Variants in TCF7L2 observed in about 807,000 individuals in gnomAD.
TCF7L2 encodes transcription factor 7-like 2.
A neutral mutation model predicts 77.9 loss-of-function variants in TCF7L2; 23 were observed. The ratio of observed to expected loss-of-function variants is 0.30; its 90% CI spans 0.21 to 0.42. TCF7L2 has a LOEUF of 0.42. Among genes scored for constraint, TCF7L2 ranks in the 10% least tolerant of loss-of-function variants. The pLI, the probability that TCF7L2 is intolerant of heterozygous loss-of-function variation, is 1.00. For missense variants in TCF7L2, 654 were observed against 793.1 expected (o/e 0.82, Z 2.11); for synonymous variants, 413 against 340.2 (o/e 1.21, Z -2.36).
chr10:113,149,382 T>C (rs561188860), intron 8 of TCF7L2, among the ~76,000 whole-genome samples: 1 of 152,344 alleles, frequency 6.6e-6, no homozygotes, highest in South Asian at 2.1e-4. Flanking sequence ...TCATGCAGTC[T>C]TCACTACTGG....
At position 112,950,815 on chromosome 10, in the gene TCF7L2, C is replaced by G. The variant is rs1456854681; in HGVS notation, c.59C>G (p.Ser20Cys). The change falls in exon 1 of 14, where the codon TCC (serine) becomes TGC (cysteine). Residue 20 changes from serine to cysteine, a missense_variant. Physicochemically the swap from Ser to Cys is moderately radical, Grantham distance 112. Around this residue, in one of 6 missense-constraint regions of TCF7L2, gnomAD observed 37 missense variants for 48.1 expected, o/e 0.77. Transcript: ENST00000627217. ...CTAGGCGCCAACGACGAACTGATTT[C>G]CTTCAAAGACGAGGGCGAACAGGAG... 6.2e-7 allele frequency: 1 copy of G among 1,600,682 alleles called. No individual in the cohort carries two copies. The highest frequency in any genetic ancestry group is 8.5e-7 in the Non-Finnish European group (1 of 1,172,720).
chr10:113,127,784 T>G (rs994879475), intron 5 of TCF7L2, among the ~76,000 whole-genome samples: 5 of 152,052 alleles, frequency 3.3e-5, no homozygotes, highest in Non-Finnish European at 5.9e-5. Context: ...AGTTTTTAGT[T>G]TGAAGAAATT....
chr10:113,093,624 G>T (rs1413303109), intron 5 of TCF7L2, among the ~76,000 whole-genome samples: 1 of 152,174 alleles, frequency 6.6e-6, no homozygotes, highest in Non-Finnish European at 1.5e-5. Flanking sequence ...AGGGAATTAA[G>T]GTTGGTAGAC....
chr10:112,958,179 C>T (rs771061102), intron 3 of TCF7L2, among the ~76,000 whole-genome samples: 2 of 152,144 alleles, frequency 1.3e-5, no homozygotes, highest in African/African-American at 2.4e-5. Context: ...CATCTGATTT[C>T]GGGCTAGTAA....
At chr10:113,005,263 C>T (rs578196526) in intron 4 of TCF7L2, among the ~76,000 whole-genome samples, 5 of 152,310 alleles carry the variant, frequency 3.3e-5, no homozygotes, top group South Asian at 4.1e-4. Context: ...CCCACGATCC[C>T]GTCAGCACTG....
intron 4 of TCF7L2, among the ~76,000 whole-genome samples, chr10:112,998,697 A>G (rs2043941278): frequency 6.6e-6 from 1 of 152,228 alleles, no homozygotes; most frequent in Admixed American, 6.5e-5. Context: ...GGAAAAGGTT[A>G]GAGGGGCCCT....
Position 113,126,753 on chromosome 10 carries a change from G to A in TCF7L2, c.553-14431G>A, listed in dbSNP as rs1442647381. The stretch of plus-strand genomic sequence containing the variant: ...TGCCGCGGGTGCGCGGCGGCGGCGC[G>A]GGCTGCAGGGCGGGTGCTGCCCTCC... On this transcript the variant is annotated intron_variant, in intron 5 of 13. Coordinates refer to ENST00000627217, the MANE Select transcript of TCF7L2 (RefSeq NM_001146274.2). The A allele has an allele frequency of 1.8e-5, 18 of 985,750 alleles. No homozygotes were observed. The East Asian group carries it at 9.1e-4, about 50-fold the overall frequency. The allele number at this position is 985,750 out of a possible 1,614,324, so 61.1% of individuals were successfully genotyped here.
intron 4 of TCF7L2, among the ~76,000 whole-genome samples, chr10:113,026,263 T>G (rs2049142835): frequency 1.3e-5 from 2 of 151,976 alleles, no homozygotes; most frequent in African/African-American, 4.8e-5. Context: ...GCGATTCTCC[T>G]GCCTCAGCCT....
chr10:113,061,435 A>G (rs553652985), intron 5 of TCF7L2, among the ~76,000 whole-genome samples: 1 of 152,348 alleles, frequency 6.6e-6, no homozygotes, highest in South Asian at 2.1e-4. Context: ...TTAAGGGAAC[A>G]GCGTAAACTC....
chr10:113,164,817 T>G (rs1467361651), intron 13 of TCF7L2, among the ~76,000 whole-genome samples: 1 of 152,148 alleles, frequency 6.6e-6, no homozygotes, highest in Non-Finnish European at 1.5e-5. Context: ...TTATTTTTGT[T>G]TCCCTTCCTC....
At chr10:113,124,177 G>A (rs745774616) in intron 5 of TCF7L2, among the ~76,000 whole-genome samples, 80 of 122,822 alleles carry the variant, frequency 6.5e-4, no homozygotes, top group African/African-American at 2.2e-3. Flanking sequence ...TGCAAATCAC[G>A]AGAAAGTAGA....
At chr10:112,961,893 ATG>A (rs112146089) in intron 3 of TCF7L2, among the ~76,000 whole-genome samples, 2,485 of 148,474 alleles carry the variant, frequency 0.017, 34 homozygotes, top group Admixed American at 0.037. Context: ...GTGTGCGTGT[ATG>A]TGTGTGTGTG....
rs566069306 is a variant in TCF7L2 at position 112,964,820 on chromosome 10, G to C, written c.450+196G>C. Among the ~76,000 whole-genome samples the C allele has an allele frequency of 4.6e-3, 673 of 144,962 alleles. 16 individuals are homozygous for C. Among genetic ancestry groups the C allele is most frequent in the Admixed American group, 9.8e-3 (141 of 14,430 alleles). On this transcript the variant is annotated intron_variant, in intron 4 of 13. Coordinates refer to ENST00000627217, the MANE Select transcript of TCF7L2 (RefSeq NM_001146274.2). Reference sequence around the variant, plus strand: ...GGTGGTGGTGGTGGTGGTGGGGGGGGGTTGAATCACTGGGGGAGAAGGGGA... The same window carrying C: ...GGTGGTGGTGGTGGTGGTGGGGGGGCGTTGAATCACTGGGGGAGAAGGGGA...
At chr10:113,136,773 T>G (rs944021326) in intron 5 of TCF7L2, among the ~76,000 whole-genome samples, 1 of 152,214 alleles carries the variant, frequency 6.6e-6, no homozygotes, top group African/African-American at 2.4e-5. Context: ...TTAGTTGCCA[T>G]GAATACATTT....
rs115224369 is a variant in TCF7L2 at position 113,050,077 on chromosome 10, G to A, written c.552+9951G>A. Among the ~76,000 whole-genome samples the A allele has an allele frequency of 9.2e-3, 1,396 of 152,318 alleles. 27 individuals are homozygous for A. The highest frequency in any genetic ancestry group is 0.032 in the African/African-American group (1,314 of 41,560). On this transcript the variant is annotated intron_variant, in intron 5 of 13. Transcript: ENST00000627217. ...AATGTGAGGCTGCTGAAGAGCTCTG[G>A]ATGGTGTGAAGCAATCTGTTTTCTA...
intron 4 of TCF7L2, among the ~76,000 whole-genome samples, chr10:113,038,323 G>C (rs1006545429): frequency 6.6e-5 from 10 of 152,086 alleles, no homozygotes; most frequent in African/African-American, 2.4e-4. Flanking sequence ...AGACACAACC[G>C]GACTAATAAC....
rs2069336391 is a variant in TCF7L2, at chr10:113,146,082, A to G, written c.860A>G (p.Asn287Ser). Reference sequence around the variant, plus strand: ...CCCTACCCCACAGCTCTGACCGTCAATGCTTCCATGTCCAGGTGAGTTCCA... The same window carrying G: ...CCCTACCCCACAGCTCTGACCGTCAGTGCTTCCATGTCCAGGTGAGTTCCA... The change falls in exon 8 of 14, where the codon AAT becomes AGT. Residue 287 changes from asparagine to serine, a missense_variant. By Grantham distance (46) the Asn-to-Ser change is conservative. This residue lies in a region of TCF7L2 where 179 missense variants were observed against 270.6 expected (regional missense o/e 0.66). Transcript: ENST00000627217. 6.2e-6 allele frequency: 10 copies of G among 1,613,700 alleles called. No homozygotes were observed. The highest frequency in any genetic ancestry group is 1.1e-5 in the South Asian group (1 of 91,048).
chr10:113,001,135 C>T (rs2044395279), intron 4 of TCF7L2, among the ~76,000 whole-genome samples: 1 of 152,178 alleles, frequency 6.6e-6, no homozygotes, highest in African/African-American at 2.4e-5. Flanking sequence ...AATGTGCTGG[C>T]TTGGAGGGCA....
At chr10:113,001,117 G>T (rs1307342017) in intron 4 of TCF7L2, among the ~76,000 whole-genome samples, 1 of 152,182 alleles carries the variant, frequency 6.6e-6, no homozygotes, top group Non-Finnish European at 1.5e-5. Flanking sequence ...CCCTGCCCTT[G>T]GCTGGGGAAT....
Sources: allele counts gnomAD v4.1 joint callset (sites outside exome capture counted in the v4.1 genomes callset), GRCh38; gene constraint gnomAD v4.1.1; regional missense constraint gnomAD v4.1.1; transcripts MANE v1.5; gene names NCBI Gene and HGNC (gene_info 2026-07-23, HGNC 2026-07-21).